Variants in FREM1 observed in about 807,000 individuals in gnomAD.
FREM1 encodes the protein FRAS1 related extracellular matrix 1.
In FREM1, 220 loss-of-function variants were observed where a neutral mutation model predicts 210.1. The ratio of observed to expected loss-of-function variants is 1.05; its 90% CI spans 0.94 to 1.17. The LOEUF is 1.17. FREM1 is among the 50% of genes most tolerant of loss of function. The pLI is 0.00. For synonymous variants in FREM1, 1,189 were observed against 980.2 expected, an observed-to-expected ratio of 1.21 and a Z score of -3.98; for missense variants, 3,454 against 2,675.5, an observed-to-expected ratio of 1.29 and a Z score of -6.42.
chr9:14,903,906 G>C (rs1817183590), intron 1 of FREM1, among the ~76,000 whole-genome samples: 1 of 152,028 alleles, frequency 6.6e-6, no homozygotes, highest in Non-Finnish European at 1.5e-5. Context: ...CGGATCACGA[G>C]GTCAGGAGAT....
Position 14,746,859 on chromosome 9 carries a change from T to G in FREM1, c.6138+64A>C, listed in dbSNP as rs550955683. 1.1e-4 allele frequency: 171 copies of G among 1,550,708 alleles called. No individual in the cohort carries two copies. The African/African-American group carries it at 2.2e-3, about 20-fold the overall frequency. On this transcript the variant is annotated intron_variant, in intron 34 of 36. Coordinates refer to ENST00000380880, the MANE Select transcript of FREM1 (RefSeq NM_001379081.2). ...TGAGTCATGCACCAGATGGTTCCCC[T>G]CTATTAGCTTATCATAGAGCACATT...
At chr9:14,880,163 C>G (rs1196031433) in intron 1 of FREM1, among the ~76,000 whole-genome samples, 1 of 152,280 alleles carries the variant, frequency 6.6e-6, no homozygotes, top group East Asian at 1.9e-4. Flanking sequence ...AAGAGGTGAT[C>G]TTGGACTTCC....
chr9:14,812,832 G>A lies in FREM1; in HGVS notation c.2873C>T (p.Ala958Val). ...QFSQRDVISEAVTYKHTGGEI... is the reference protein window; with the variant it reads ...QFSQRDVISEVVTYKHTGGEI... ...CTTACCTGTGTGTTTGTATGTCACG[G>A]CCTCTGAGATAACATCTCTCTGAGA... The change falls in exon 16 of 37, where the codon GCC becomes GTC. Residue 958 changes from alanine to valine, a missense_variant. Transcript: ENST00000380880. 5 of 1,611,808 alleles carry A rather than the reference G, an allele frequency of 3.1e-6. No individual in the cohort carries two copies. Among genetic ancestry groups the A allele is most frequent in the Non-Finnish European group, 4.2e-6 (5 of 1,178,564 alleles).
Position 14,775,847 on chromosome 9 carries a change from T to A in FREM1, c.4799A>T (p.Asn1600Ile). Reference protein sequence around the residue: ...CFTFMATDGTNQGFIVNGRVW... With the variant: ...CFTFMATDGTIQGFIVNGRVW... Reference sequence around the variant, plus strand: ...TCTCCCATTCACAATAAAGCCTTGGTTTGTCCCATCTGTGGCCATGAAAGT... The same window carrying A: ...TCTCCCATTCACAATAAAGCCTTGGATTGTCCCATCTGTGGCCATGAAAGT... The change falls in exon 25 of 37, where the codon AAC (asparagine) becomes ATC (isoleucine). Residue 1600 changes from asparagine (N) to isoleucine (I), a missense_variant. Coordinates refer to ENST00000380880, the MANE Select transcript of FREM1 (RefSeq NM_001379081.2). 6.2e-7 allele frequency: 1 copy of A among 1,613,868 alleles called. No homozygotes were observed. The highest frequency in any genetic ancestry group is 8.5e-7 in the Non-Finnish European group (1 of 1,179,814).
chr9:14,842,291 A>T (rs531007429), intron 9 of FREM1, 25 bp downstream of exon 9: 4 of 1,410,916 alleles, frequency 2.8e-6, no homozygotes, highest in African/African-American at 1.4e-5. Context: ...TTCCATTCAA[A>T]TGATCTTAAC....
At chr9:14,751,279 G>C (rs977556279) in intron 29 of FREM1, among the ~76,000 whole-genome samples, 2 of 152,154 alleles carry the variant, frequency 1.3e-5, no homozygotes, top group Admixed American at 1.3e-4. Flanking sequence ...TTTGCTCATT[G>C]GCTATTTGAG....
At chr9:14,853,400 G>C (rs1298336898) in intron 5 of FREM1, among the ~76,000 whole-genome samples, 1 of 152,138 alleles carries the variant, frequency 6.6e-6, no homozygotes, top group Non-Finnish European at 1.5e-5. Context: ...CAAATCCTAG[G>C]AGCTGCAGGA....
At chr9:14,823,027 C>G (rs747477918) in intron 13 of FREM1, 133 bp downstream of exon 13, 5 of 555,080 alleles carry the variant, frequency 9.0e-6, no homozygotes, top group Non-Finnish European at 1.1e-5. Flanking sequence ...CTTTTTTTTA[C>G]TACACCATAG....
At chr9:14,777,333 TTAAGAG>T (rs1848780120) in intron 24 of FREM1, among the ~76,000 whole-genome samples, 3 of 152,338 alleles carry the variant, frequency 2.0e-5, no homozygotes, top group African/African-American at 2.4e-5. Context: ...TTCAATAAGA[TTAAGAG>T]TATCATGAAA....
Position 14,842,501 on chromosome 9 carries a change from TCTTTGGGCAAGA to T in FREM1, c.1541_1552del (p.Val514_Lys517del). 1 of 1,614,036 alleles carries T rather than the reference TCTTTGGGCAAGA, an allele frequency of 6.2e-7. No homozygotes were observed. The highest frequency in any genetic ancestry group is 1.3e-5 in the African/African-American group (1 of 75,056). ...GGTTATGAGGAACGGGGGACTATCA[TCTTTGGGCAAGA>T]CGTTGATGGGGAATTTGTGACGGAT... On this transcript the variant is annotated inframe_deletion, in exon 9 of 37. Transcript: ENST00000380880.
intron 15 of FREM1, among the ~76,000 whole-genome samples, chr9:14,816,066 A>G (rs753782387): frequency 9.2e-5 from 14 of 152,170 alleles, no homozygotes; most frequent in Non-Finnish European, 1.5e-4. Context: ...ACACATATAC[A>G]TGGCTTTATC....
chr9:14,889,445 A>T (rs1419439097), intron 1 of FREM1, among the ~76,000 whole-genome samples: 3 of 152,148 alleles, frequency 2.0e-5, no homozygotes, highest in African/African-American at 7.2e-5. Flanking sequence ...GTTCTCTTCT[A>T]GGAATTCTTT....
chr9:14,784,612 T>C lies in FREM1; in HGVS notation c.4200A>G (p.Lys1400=), dbSNP rs1228345088. 1 of 1,589,576 alleles carries C rather than the reference T, an allele frequency of 6.3e-7. No individual in the cohort carries two copies. The highest frequency in any genetic ancestry group is 1.3e-5 in the African/African-American group (1 of 74,520). Residue 1400 remains lysine (K), a synonymous_variant, in exon 24 of 37, where the codon AAA becomes AAG. Transcript: ENST00000380880. Reference sequence around the variant, plus strand: ...TATCACCTTTAGACACCACGAGTGGTTTTGTAAGGATGACAATATCACCTA... The same window carrying C: ...TATCACCTTTAGACACCACGAGTGGCTTTGTAAGGATGACAATATCACCTA... ...MEKGDIVILT[K]PLVVSKGDRG...
intron 23 of FREM1, among the ~76,000 whole-genome samples, chr9:14,786,776 C>G (rs577657669): frequency 4.3e-4 from 66 of 152,288 alleles, no homozygotes; most frequent in African/African-American, 1.5e-3. Context: ...TTCAGTCCTA[C>G]GTAGAATCAA....
At chr9:14,834,053 G>C (rs1282944610) in intron 10 of FREM1, among the ~76,000 whole-genome samples, 2 of 152,200 alleles carry the variant, frequency 1.3e-5, no homozygotes, top group Non-Finnish European at 2.9e-5. Context: ...TGATGGTTTT[G>C]AGTTTTGGGA....
At chr9:14,750,610 T>A (rs1336129190) in intron 29 of FREM1, among the ~76,000 whole-genome samples, 1 of 152,168 alleles carries the variant, frequency 6.6e-6, no homozygotes, top group Non-Finnish European at 1.5e-5. Context: ...AGTAAACAAG[T>A]ATTGCAATCT....
rs141260268 is a variant in FREM1, at chr9:14,862,816, C to T, written c.329+993G>A. The stretch of plus-strand genomic sequence containing the variant: ...CATGCTGTAGCCTTTATCAGTGCTT[C>T]GTTGTTTTTTTATGGCTGAATGATA... On this transcript the variant is annotated intron_variant, in intron 3 of 36. Coordinates refer to ENST00000380880, the MANE Select transcript of FREM1 (RefSeq NM_001379081.2). Among the ~76,000 whole-genome samples the T allele has an allele frequency of 3.1e-3, 477 of 152,126 alleles. 3 individuals are homozygous for T. Among genetic ancestry groups the T allele is most frequent in the African/African-American group, 1.0e-2 (413 of 41,496 alleles).
Position 14,804,451 on chromosome 9 carries a change from G to T in FREM1, c.3471+505C>A, listed in dbSNP as rs552961023. 3.3e-5 allele frequency among the ~76,000 whole-genome samples: 5 copies of T among 152,300 alleles called. No individual in the cohort carries two copies. The South Asian group carries it at 1.0e-3, about 32-fold the overall frequency. ...ATACAAAAAATTAGCCGGGCGTGGTGGCGGGCACCTGCAGTCCCAGCTACT... is the reference window on the plus strand; with the variant it reads ...ATACAAAAAATTAGCCGGGCGTGGTTGCGGGCACCTGCAGTCCCAGCTACT... On this transcript the variant is annotated intron_variant, in intron 19 of 36. Coordinates refer to ENST00000380880, the MANE Select transcript of FREM1 (RefSeq NM_001379081.2).
At chr9:14,886,861 T>C (rs527735170) in intron 1 of FREM1, among the ~76,000 whole-genome samples, 1 of 131,672 alleles carries the variant, frequency 7.6e-6, no homozygotes, top group Non-Finnish European at 1.5e-5. Flanking sequence ...GCAGCCTGAG[T>C]GACAAAGTGA....
Sources: allele counts gnomAD v4.1 joint callset (sites outside exome capture counted in the v4.1 genomes callset), GRCh38; gene constraint gnomAD v4.1.1; transcripts MANE v1.5; gene names NCBI Gene and HGNC (gene_info 2026-07-23, HGNC 2026-07-21).